Variants in RBFOX1 observed in about 807,000 individuals in gnomAD.
RBFOX1 encodes RNA binding protein fox-1 homolog 1.
Under a neutral mutation model 57.7 loss-of-function variants are expected in RBFOX1, and 8 were observed. The ratio of observed to expected loss-of-function variants is 0.14; its 90% CI spans 0.08 to 0.25. RBFOX1 has a LOEUF of 0.25. Among genes scored for constraint, RBFOX1 ranks in the 10% least tolerant of loss-of-function variants. The pLI is 1.00. For synonymous variants in RBFOX1, 326 were observed against 222.4 expected, an observed-to-expected ratio of 1.47 and a Z score of -4.15; for missense variants, 611 against 548.5, an observed-to-expected ratio of 1.11 and a Z score of -1.14.
At chr16:5,479,188 C>T (rs2069434312) in intron 2 of RBFOX1, among the ~76,000 whole-genome samples, 1 of 152,080 alleles carries the variant, frequency 6.6e-6, no homozygotes, top group African/African-American at 2.4e-5. Context: ...CTGTCATGGC[C>T]TCTGTTTGAT....
intron 1 of RBFOX1, among the ~76,000 whole-genome samples, chr16:6,257,794 T>C (rs1283926520): frequency 6.6e-6 from 1 of 152,192 alleles, no homozygotes; most frequent in Non-Finnish European, 1.5e-5. Context: ...ATAATGGATA[T>C]GCGCTACATT....
intron 4 of RBFOX1, among the ~76,000 whole-genome samples, chr16:5,991,744 C>T (rs1037802884): frequency 4.6e-5 from 7 of 151,028 alleles, no homozygotes; most frequent in South Asian, 2.1e-4. Flanking sequence ...TAAACAGACC[C>T]GGGAAAATCC....
chr16:7,121,527 T>C (rs2067180490), intron 4 of RBFOX1, among the ~76,000 whole-genome samples: 1 of 152,028 alleles, frequency 6.6e-6, no homozygotes, highest in Admixed American at 6.6e-5. Flanking sequence ...AAGAGATCTT[T>C]ATGCTGAAAA....
At chr16:6,191,557 T>TGGAGAGAAAAAAAGTTA (rs919872993) in intron 1 of RBFOX1, among the ~76,000 whole-genome samples, 1 of 152,146 alleles carries the variant, frequency 6.6e-6, no homozygotes, top group African/African-American at 2.4e-5. Context: ...CATTCTTTAT[T>TGGAGAGAAAAAAAGTTA]GGAGAGAAAA....
At chr16:6,938,561 T>G (rs1334598326) in intron 3 of RBFOX1, among the ~76,000 whole-genome samples, 1 of 93,902 alleles carries the variant, frequency 1.1e-5, no homozygotes, top group African/African-American at 7.5e-5. Context: ...ACTGAATTAC[T>G]GTATTTTTTC....
chr16:5,489,679 T>A (rs879735640), intron 2 of RBFOX1, among the ~76,000 whole-genome samples: 1 of 152,084 alleles, frequency 6.6e-6, no homozygotes, highest in Non-Finnish European at 1.5e-5. Context: ...GAGGAAGGGG[T>A]GTGCCCAGTG....
chr16:6,555,030 G>A (rs771943852), intron 2 of RBFOX1, among the ~76,000 whole-genome samples: 1 of 151,970 alleles, frequency 6.6e-6, no homozygotes, highest in Non-Finnish European at 1.5e-5. Context: ...GGAGGAATGA[G>A]AAGCTGGGGA....
At chr16:6,002,004 T>A (rs1171073581) in intron 4 of RBFOX1, among the ~76,000 whole-genome samples, 1 of 147,312 alleles carries the variant, frequency 6.8e-6, no homozygotes, top group East Asian at 2.0e-4. Context: ...TCTTGCTCTG[T>A]CACTCAGGCT....
At chr16:7,018,065 C>T (rs1307608667) in intron 3 of RBFOX1, among the ~76,000 whole-genome samples, 1 of 152,090 alleles carries the variant, frequency 6.6e-6, no homozygotes, top group Admixed American at 6.6e-5. Context: ...CCAGCTCCTC[C>T]AGCCAACCTG....
chr16:7,611,100 A>G (rs1048797067), intron 10 of RBFOX1, among the ~76,000 whole-genome samples: 1 of 152,168 alleles, frequency 6.6e-6, no homozygotes, highest in African/African-American at 2.4e-5. Flanking sequence ...TAATATTCTC[A>G]TAGTGTAATT....
At chr16:6,072,356 G>A (rs927642364) in intron 1 of RBFOX1, among the ~76,000 whole-genome samples, 35 of 152,168 alleles carry the variant, frequency 2.3e-4, no homozygotes, top group African/African-American at 8.4e-4. Context: ...ATCTGTCATT[G>A]GACACTTAGG....
intron 3 of RBFOX1, among the ~76,000 whole-genome samples, chr16:6,855,936 T>C (rs1388436219): frequency 6.6e-6 from 1 of 150,748 alleles, no homozygotes; most frequent in African/African-American, 2.4e-5. Context: ...CATGCACATA[T>C]TCACTTCATG....
chr16:5,834,496 C>T (rs1033925074), intron 3 of RBFOX1, among the ~76,000 whole-genome samples: 1 of 152,072 alleles, frequency 6.6e-6, no homozygotes, highest in Admixed American at 6.6e-5. Context: ...TCTTTATCCA[C>T]TCATCTGTTG....
intron 4 of RBFOX1, among the ~76,000 whole-genome samples, chr16:7,410,693 C>T (rs2098415798): frequency 6.6e-6 from 1 of 151,994 alleles, no homozygotes. Flanking sequence ...CAAAACAAAA[C>T]AACAAAAAAA....
chr16:6,298,319 C>A (rs2078382457), intron 1 of RBFOX1, among the ~76,000 whole-genome samples: 1 of 152,172 alleles, frequency 6.6e-6, no homozygotes, highest in Non-Finnish European at 1.5e-5. Context: ...GACACCCTGG[C>A]TTGTTTTTGC....
At chr16:7,157,101 G>A (rs890370687) in intron 4 of RBFOX1, among the ~76,000 whole-genome samples, 1 of 152,260 alleles carries the variant, frequency 6.6e-6, no homozygotes, top group East Asian at 1.9e-4. Context: ...CCACTTCCAT[G>A]CTATTGAGTG....
intron 3 of RBFOX1, among the ~76,000 whole-genome samples, chr16:6,741,916 C>G (rs904230147): frequency 6.6e-5 from 10 of 152,050 alleles, no homozygotes; most frequent in African/African-American, 2.4e-4. Flanking sequence ...ATCAATTGTA[C>G]AACATAGTGA....
At chr16:7,504,343 A>T (rs1331012681) in intron 4 of RBFOX1, among the ~76,000 whole-genome samples, 1 of 152,028 alleles carries the variant, frequency 6.6e-6, no homozygotes, top group East Asian at 2.0e-4. Flanking sequence ...TGTTATAAGT[A>T]ACACTATCAT....
chr16:7,032,358 T>A (rs2043026487), intron 3 of RBFOX1, among the ~76,000 whole-genome samples: 1 of 151,988 alleles, frequency 6.6e-6, no homozygotes, highest in Non-Finnish European at 1.5e-5. Context: ...GGCACAAGAA[T>A]TGCTTGAACC....
Sources: gnomAD v4.1 joint callset for allele counts (sites outside exome capture counted in the v4.1 genomes callset) on GRCh38, gnomAD v4.1.1 for gene constraint, MANE v1.5 for transcripts, NCBI Gene and HGNC (gene_info 2026-07-23, HGNC 2026-07-21) for gene names.